KDM4C: variants seen among roughly 807,000 people sequenced by gnomAD.
KDM4C encodes the protein lysine demethylase 4C.
A neutral mutation model predicts 129.3 loss-of-function variants in KDM4C; 81 were observed. The observed-to-expected ratio is 0.63, with a 90% CI of 0.52 to 0.75. The LOEUF (loss-of-function observed/expected upper bound fraction) is 0.75. Ranked by LOEUF, KDM4C falls within the 30% of genes least tolerant of loss-of-function variation. The pLI, the probability that KDM4C is intolerant of heterozygous loss-of-function variation, is 0.00. For missense variants in KDM4C, 1,457 were observed against 1,304.0 expected, an observed-to-expected ratio of 1.12 and a Z score of -1.81; for synonymous variants, 573 against 456.1, an observed-to-expected ratio of 1.26 and a Z score of -3.26.
intron 17 of KDM4C, among the ~76,000 whole-genome samples, chr9:7,088,226 A>C (rs1835375223): frequency 6.6e-6 from 1 of 152,224 alleles, no homozygotes; most frequent in Admixed American, 6.5e-5. Flanking sequence ...TAAAGTGGGC[A>C]GGAGCCATGG....
At chr9:6,849,736 T>G in intron 5 of KDM4C, 36 bp downstream of exon 5, 1 of 1,486,956 alleles carries the variant, frequency 6.7e-7, no homozygotes, top group Non-Finnish European at 9.1e-7. Flanking sequence ...TACTTTGGAG[T>G]TTTGAAATTT....
At position 6,823,839 on chromosome 9, in the gene KDM4C, C is replaced by T. The variant is rs554837995; in HGVS notation, c.435+9094C>T. ...TCTGATGGGCCTCCTTCCTTCAGTA[C>T]GCACCATCACTTCCAACTCTTCGTA... On this transcript the variant is annotated intron_variant, in intron 4 of 21. Coordinates refer to ENST00000381309, the MANE Select transcript of KDM4C (RefSeq NM_015061.6). Among the ~76,000 whole-genome samples the T allele has an allele frequency of 8.5e-5, 13 of 152,334 alleles. No individual in the cohort carries two copies. The East Asian group carries it at 9.6e-4, about 11-fold the overall frequency.
At chr9:7,064,025 A>C (rs965988881) in intron 17 of KDM4C, among the ~76,000 whole-genome samples, 4 of 152,234 alleles carry the variant, frequency 2.6e-5, no homozygotes, top group African/African-American at 7.2e-5. Context: ...GGAATGTGTC[A>C]GTGTTACTGA....
At chr9:6,765,808 G>T (rs1024436255) in intron 1 of KDM4C, among the ~76,000 whole-genome samples, 1 of 151,894 alleles carries the variant, frequency 6.6e-6, no homozygotes, top group African/African-American at 2.4e-5. Context: ...TTTTGCAGGG[G>T]GATGGAGTCT....
chr9:6,777,809 G>C (rs1236961954), intron 1 of KDM4C, among the ~76,000 whole-genome samples: 3 of 152,034 alleles, frequency 2.0e-5, no homozygotes, highest in South Asian at 4.2e-4. Flanking sequence ...AAACTGAAAT[G>C]GTTTCCAACT....
chr9:6,751,168 G>A (rs770424319), intron 1 of KDM4C, among the ~76,000 whole-genome samples: 13 of 152,104 alleles, frequency 8.5e-5, no homozygotes, highest in Admixed American at 3.3e-4. Context: ...AGCCTAGGCC[G>A]GGCATGGTGT....
At chr9:6,995,165 A>G (rs1819466747) in intron 12 of KDM4C, among the ~76,000 whole-genome samples, 1 of 148,278 alleles carries the variant, frequency 6.7e-6, no homozygotes, top group Non-Finnish European at 1.5e-5. Flanking sequence ...TGGATTGCTG[A>G]GAAAGGAGTG....
intron 8 of KDM4C, among the ~76,000 whole-genome samples, chr9:6,956,451 T>C: frequency 6.6e-6 from 1 of 152,236 alleles, no homozygotes; most frequent in East Asian, 1.9e-4. Context: ...TATCTTGTAA[T>C]TGGTGTTTGT....
intron 5 of KDM4C, among the ~76,000 whole-genome samples, chr9:6,868,254 G>A (rs555734798): frequency 6.6e-6 from 1 of 151,896 alleles, no homozygotes; most frequent in East Asian, 1.9e-4. Context: ...ACGTTTAGGT[G>A]AACTAGAGAC....
chr9:6,777,324 C>CT (rs372200405), intron 1 of KDM4C, among the ~76,000 whole-genome samples: 36 of 152,218 alleles, frequency 2.4e-4, no homozygotes, highest in African/African-American at 7.2e-4. Context: ...TAGGTTTTAT[C>CT]TTTTCAAAGC....
At chr9:6,827,809 A>C (rs958661792) in intron 4 of KDM4C, among the ~76,000 whole-genome samples, 1 of 152,230 alleles carries the variant, frequency 6.6e-6, no homozygotes, top group Admixed American at 6.5e-5. Flanking sequence ...TTCAGGTTTT[A>C]GTTCTGTGAA....
intron 21 of KDM4C, chr9:7,170,469 T>G: frequency 1.0e-6 from 1 of 984,986 alleles, no homozygotes. Context: ...AATAGTAGTT[T>G]CATGCCCTCA....
chr9:7,134,942 C>T (rs1841033699), intron 19 of KDM4C, among the ~76,000 whole-genome samples: 2 of 152,212 alleles, frequency 1.3e-5, no homozygotes, highest in South Asian at 2.1e-4. Flanking sequence ...CGTGAACTGT[C>T]TCTGAAGTCC....
At chr9:7,002,054 G>A (rs1234078923) in intron 12 of KDM4C, among the ~76,000 whole-genome samples, 5 of 151,946 alleles carry the variant, frequency 3.3e-5, no homozygotes, top group African/African-American at 9.7e-5. Flanking sequence ...CACCACACCT[G>A]GCTAGTTTTT....
At chr9:6,966,455 C>T (rs1830992751) in intron 8 of KDM4C, among the ~76,000 whole-genome samples, 1 of 152,256 alleles carries the variant, frequency 6.6e-6, no homozygotes, top group African/African-American at 2.4e-5. Context: ...CAGGCGTGAG[C>T]CACCGCGCCG....
chr9:6,939,514 A>G lies in KDM4C; in HGVS notation c.922-41411A>G, dbSNP rs371031445. 3.5e-4 allele frequency among the ~76,000 whole-genome samples: 53 copies of G among 152,258 alleles called. No individual in the cohort carries two copies. In the East Asian group the frequency reaches 7.7e-3, roughly 22 times the overall value. ...AATCATCCCCAAACCACCCCACACCAGATTTGTCAGTCCCTGGTGCCAGAA... is the reference window on the plus strand; with the variant it reads ...AATCATCCCCAAACCACCCCACACCGGATTTGTCAGTCCCTGGTGCCAGAA... On this transcript the variant is annotated intron_variant, in intron 8 of 21. Transcript: ENST00000381309.
chr9:6,797,421 T>C (rs1297408237), intron 2 of KDM4C, among the ~76,000 whole-genome samples: 1 of 152,224 alleles, frequency 6.6e-6, no homozygotes, highest in Non-Finnish European at 1.5e-5. Context: ...TCCCATTTTT[T>C]AGATTCATGC....
chr9:7,159,644 A>G lies in KDM4C; in HGVS notation c.2782-5594A>G, dbSNP rs544281210. On this transcript the variant is annotated intron_variant, in intron 19 of 21. Coordinates refer to ENST00000381309, the MANE Select transcript of KDM4C (RefSeq NM_015061.6). ...GGCTTGAAAATTCTTTTCTTTAGGA[A>G]TGTTGAATATTGGCCCCCACTTTCT... Among the ~76,000 whole-genome samples the G allele has an allele frequency of 3.9e-5, 6 of 152,318 alleles. No individual in the cohort carries two copies. In the East Asian group the frequency reaches 9.6e-4, roughly 24 times the overall value.
chr9:6,831,213 C>T (rs1223187883), intron 4 of KDM4C, among the ~76,000 whole-genome samples: 1 of 152,130 alleles, frequency 6.6e-6, no homozygotes, highest in Non-Finnish European at 1.5e-5. Flanking sequence ...ATAAAGACCT[C>T]AGAATCAGTG....
Sources: gnomAD v4.1 joint callset for allele counts (sites outside exome capture counted in the v4.1 genomes callset) on GRCh38, gnomAD v4.1.1 for gene constraint, MANE v1.5 for transcripts, NCBI Gene and HGNC (gene_info 2026-07-23, HGNC 2026-07-21) for gene names.